The following MTMR8 variants were observed in gnomAD, a reference collection of about 807,000 sequenced individuals.
MTMR8 encodes phosphatidylinositol-3,5-bisphosphate 3-phosphatase MTMR8.
A neutral mutation model predicts 39.3 loss-of-function variants in MTMR8; 65 were observed. That is an observed-to-expected ratio of 1.65 (90% CI 1.35 to 2.03). The LOEUF (loss-of-function observed/expected upper bound fraction) is 2.03, where lower values mean the gene tolerates loss of function less well. Ranked by LOEUF, MTMR8 falls within the 30% of genes most tolerant of loss-of-function variation. The probability of loss-of-function intolerance (pLI) is 0.00; values close to 1 mark genes in which losing one functional copy is unlikely to be tolerated. For missense variants in MTMR8, 777 were observed against 538.9 expected (o/e 1.44, Z -4.37); for synonymous variants, 245 against 185.2 (o/e 1.32, Z -2.62).
At chrX:64,318,656 G>A (rs1203158468) in intron 12 of MTMR8, among the ~76,000 whole-genome samples, 1 of 107,236 alleles carries the variant, frequency 9.3e-6, no homozygotes, top group Non-Finnish European at 1.9e-5. Flanking sequence ...GGAAAAATAT[G>A]TTGACTCCAT....
intron 12 of MTMR8, among the ~76,000 whole-genome samples, chrX:64,310,834 C>G (rs1922274335): frequency 9.0e-6 from 1 of 111,696 alleles, no homozygotes; most frequent in Non-Finnish European, 1.9e-5. Context: ...ATAAACTCAT[C>G]CTTTATTATG....
intron 12 of MTMR8, among the ~76,000 whole-genome samples, chrX:64,280,297 C>A (rs936575746): frequency 1.1e-4 from 12 of 111,841 alleles, no homozygotes. Context: ...CAAAAATCCT[C>A]AATAAAATAC....
In MTMR8 at chrX:64,270,974, C is replaced by T; in HGVS notation, c.1581G>A (p.Leu527=). Residue 527 remains leucine (L), a synonymous_variant, in exon 13 of 14, where the codon CTG becomes CTA. Coordinates refer to ENST00000374852, the MANE Select transcript of MTMR8 (RefSeq NM_017677.4). The part of the protein sequence containing the change: ...LLEIKKQRAM[L]ETDVHELEKK... ...TTTCTAGTTCATGCACATCTGTCTC[C>T]AGCATTGCTCTCTGTTTCTTAATTT... is the stretch of plus-strand genomic sequence containing the variant. The T allele has an allele frequency of 8.3e-7, 1 of 1,210,357 alleles. No individual in the cohort carries two copies. Among genetic ancestry groups the T allele is most frequent in the Non-Finnish European group, 1.1e-6 (1 of 894,873 alleles).
intron 1 of MTMR8, among the ~76,000 whole-genome samples, chrX:64,383,768 C>T (rs1267588541): frequency 4.5e-5 from 5 of 111,027 alleles, no homozygotes; most frequent in African/African-American, 9.9e-5. Context: ...TACCAGTTCC[C>T]ACCTCCAACA....
chrX:64,369,855 T>A (rs183908850), intron 1 of MTMR8, among the ~76,000 whole-genome samples: 1 of 111,602 alleles, frequency 9.0e-6, no homozygotes, highest in African/African-American at 3.3e-5. Flanking sequence ...ATTATGCAGC[T>A]ATTAGAAGCA....
chrX:64,325,857 T>G (rs1922776211), intron 12 of MTMR8, among the ~76,000 whole-genome samples: 1 of 111,770 alleles, frequency 8.9e-6, no homozygotes, highest in East Asian at 2.8e-4. Context: ...TATCCCTGGT[T>G]GCAGATGACA....
intron 12 of MTMR8, among the ~76,000 whole-genome samples, chrX:64,274,992 G>T: frequency 9.0e-6 from 1 of 111,465 alleles, no homozygotes. Context: ...GCCCAGCATG[G>T]TGACCATGGT....
Position 64,387,144 on chromosome X carries a change from G to A in MTMR8, c.24+8196C>T, listed in dbSNP as rs1422894321. 2.7e-5 allele frequency among the ~76,000 whole-genome samples: 3 copies of A among 111,689 alleles called. No individual in the cohort carries two copies. The Admixed American group carries it at 2.8e-4, about 11-fold the overall frequency. On this transcript the variant is annotated intron_variant, in intron 1 of 13. Transcript: ENST00000374852. Reference sequence around the variant, plus strand: ...GAAAAACATCAGTGTCAATTGCACAGGGCCTCACTCACTCACACTCAGGAA... The same window carrying A: ...GAAAAACATCAGTGTCAATTGCACAAGGCCTCACTCACTCACACTCAGGAA...
chrX:64,310,385 A>G (rs914335690), intron 12 of MTMR8, among the ~76,000 whole-genome samples: 9 of 111,484 alleles, frequency 8.1e-5, no homozygotes, highest in Non-Finnish European at 1.7e-4. Context: ...CTGCCGTTAT[A>G]TCCTCCACTG....
intron 12 of MTMR8, among the ~76,000 whole-genome samples, chrX:64,302,563 T>C (rs988801106): frequency 1.8e-5 from 2 of 112,371 alleles, no homozygotes; most frequent in Non-Finnish European, 3.8e-5. Flanking sequence ...ACCGGAGCTG[T>C]TCCTATTCGG....
intron 12 of MTMR8, among the ~76,000 whole-genome samples, chrX:64,296,111 A>AT (rs1569212698): frequency 8.9e-6 from 1 of 112,016 alleles, no homozygotes; most frequent in African/African-American, 3.2e-5. Context: ...ACAATAGAAT[A>AT]TTTTTCAGCC....
At chrX:64,389,202 T>C (rs1924635816) in intron 1 of MTMR8, among the ~76,000 whole-genome samples, 1 of 111,927 alleles carries the variant, frequency 8.9e-6, no homozygotes, top group South Asian at 3.8e-4. Context: ...AAAGGTTAAA[T>C]ATTATTTTAC....
At chrX:64,384,531 C>T (rs5918870) in intron 1 of MTMR8, among the ~76,000 whole-genome samples, 8,020 of 112,121 alleles carry the variant, frequency 0.072, 313 homozygotes, top group East Asian at 0.11. Flanking sequence ...CATACATCCT[C>T]TGAAATATAG....
chrX:64,334,541 T>C (rs1447909974), intron 10 of MTMR8, among the ~76,000 whole-genome samples: 2 of 100,289 alleles, frequency 2.0e-5, no homozygotes, highest in African/African-American at 7.3e-5. Context: ...AGCTTTACTA[T>C]GTACACAAAA....
At chrX:64,357,075 G>A (rs1923645254) in intron 2 of MTMR8, among the ~76,000 whole-genome samples, 1 of 112,014 alleles carries the variant, frequency 8.9e-6, no homozygotes, top group South Asian at 3.7e-4. Context: ...AGAAATGCAT[G>A]GAAAGGGAAC....
At chrX:64,369,326 G>A (rs1924064802) in intron 1 of MTMR8, among the ~76,000 whole-genome samples, 1 of 111,745 alleles carries the variant, frequency 8.9e-6, no homozygotes, top group Admixed American at 9.5e-5. Flanking sequence ...TGTGTTTATT[G>A]CGGCACTATT....
chrX:64,285,859 C>T (rs898399383), intron 12 of MTMR8, among the ~76,000 whole-genome samples: 1 of 110,253 alleles, frequency 9.1e-6, no homozygotes, highest in African/African-American at 3.3e-5. Flanking sequence ...ACTAAATGCC[C>T]ACAAGAGAAA....
At chrX:64,303,746 CA>C (rs1386541435) in intron 12 of MTMR8, among the ~76,000 whole-genome samples, 1 of 112,582 alleles carries the variant, frequency 8.9e-6, no homozygotes, top group Non-Finnish European at 1.9e-5. Context: ...GAAGTTTCCA[CA>C]TCATTTTCAT....
intron 12 of MTMR8, among the ~76,000 whole-genome samples, chrX:64,274,586 G>A (rs1602101191): frequency 1.8e-5 from 2 of 111,994 alleles, no homozygotes; most frequent in Admixed American, 9.4e-5. Flanking sequence ...TCAGTATTTT[G>A]AAGAAATATC....
Sources: allele counts gnomAD v4.1 joint callset (sites outside exome capture counted in the v4.1 genomes callset), GRCh38; gene constraint gnomAD v4.1.1; transcripts MANE v1.5; gene names NCBI Gene and HGNC (gene_info 2026-07-23, HGNC 2026-07-21).